TYW1: variants seen among roughly 807,000 people sequenced by gnomAD.
TYW1 encodes the protein tRNA-yW synthesizing protein 1 homolog, also known as S-adenosyl-L-methionine-dependent tRNA 4-demethylwyosine synthase TYW1.
A neutral mutation model predicts 96.2 loss-of-function variants in TYW1; 46 were observed. The ratio of observed to expected loss-of-function variants is 0.48; its 90% CI spans 0.38 to 0.61. The LOEUF (loss-of-function observed/expected upper bound fraction) is 0.61, where lower values mean the gene tolerates loss of function less well. Among genes scored for constraint, TYW1 ranks in the 20% least tolerant of loss-of-function variants. The pLI is 0.00. For synonymous variants in TYW1, 274 were observed against 323.0 expected, an observed-to-expected ratio of 0.85 and a Z score of 1.63; for missense variants, 684 against 909.6, an observed-to-expected ratio of 0.75 and a Z score of 3.19.
intron 14 of TYW1, among the ~76,000 whole-genome samples, chr7:67,190,022 C>T (rs1800159269): frequency 6.6e-6 from 1 of 151,722 alleles, no homozygotes; most frequent in Non-Finnish European, 1.5e-5. Flanking sequence ...TCTGTGTGTT[C>T]TCTGCCTAGC....
chr7:67,029,291 TATGG>T (rs1794564251), intron 7 of TYW1, among the ~76,000 whole-genome samples: 1 of 148,826 alleles, frequency 6.7e-6, no homozygotes, highest in African/African-American at 2.5e-5. Flanking sequence ...GGCTGGCTGA[TATGG>T]ACTTAAGATT....
rs367638874 is a variant in TYW1 at position 67,116,333 on chromosome 7, AAAAAG to A, written c.1563-1130_1563-1126del. On this transcript the variant is annotated intron_variant, in intron 12 of 15. Coordinates refer to ENST00000359626, the MANE Select transcript of TYW1 (RefSeq NM_018264.4). The stretch of plus-strand genomic sequence containing the variant: ...GAGGGAGAATCCATCTCAAAAAAAA[AAAAAG>A]AAAAGAAAAGAAAAGAAAAAAAGTA... 1.7e-4 allele frequency among the ~76,000 whole-genome samples: 26 copies of A among 150,416 alleles called. 1 individual carries two copies. The highest frequency in any genetic ancestry group is 3.9e-4 in the East Asian group (2 of 5,090).
chr7:67,207,681 C>CTTCTTTT (rs71052407), intron 15 of TYW1, among the ~76,000 whole-genome samples: 12 of 116,580 alleles, frequency 1.0e-4, no homozygotes, highest in African/African-American at 3.6e-4. Flanking sequence ...TTTTGTTTGC[C>CTTCTTTT]TTTTTTTTTT....
chr7:67,095,594 G>A (rs1221355621), intron 11 of TYW1, among the ~76,000 whole-genome samples: 6 of 151,964 alleles, frequency 3.9e-5, no homozygotes, highest in Admixed American at 2.6e-4. Flanking sequence ...GGAGGCGGAG[G>A]TTGCAGTGAG....
chr7:67,000,935 G>A (rs987695146), intron 3 of TYW1, among the ~76,000 whole-genome samples: 1 of 152,082 alleles, frequency 6.6e-6, no homozygotes, highest in Non-Finnish European at 1.5e-5. Context: ...TCATTTTACA[G>A]TCGAAGGTCA....
At chr7:67,102,818 A>T (rs1489727138) in intron 12 of TYW1, among the ~76,000 whole-genome samples, 2 of 151,834 alleles carry the variant, frequency 1.3e-5, no homozygotes, top group Non-Finnish European at 2.9e-5. Flanking sequence ...CACCCAGCTA[A>T]TTTTTTGTAT....
chr7:67,047,337 C>G (rs1176961867), intron 7 of TYW1, among the ~76,000 whole-genome samples: 1 of 152,096 alleles, frequency 6.6e-6, no homozygotes, highest in Non-Finnish European at 1.5e-5. Context: ...TTGAGACCAG[C>G]GTGGGCAACA....
chr7:67,198,461 G>C (rs1239197465), intron 15 of TYW1, among the ~76,000 whole-genome samples: 1 of 151,824 alleles, frequency 6.6e-6, no homozygotes, highest in Admixed American at 6.6e-5. Context: ...TGAGGCAGGA[G>C]AATCTCTTGA....
At chr7:67,071,083 A>G (rs1211601836) in intron 10 of TYW1, among the ~76,000 whole-genome samples, 1 of 151,844 alleles carries the variant, frequency 6.6e-6, no homozygotes, top group Non-Finnish European at 1.5e-5. Context: ...GTGAGCCTAG[A>G]TCGCGCCACT....
Position 66,996,908 on chromosome 7 carries a change from C to T in TYW1, c.-71C>T. 1 of 1,610,924 alleles carries T rather than the reference C, an allele frequency of 6.2e-7. No individual in the cohort carries two copies. The highest frequency in any genetic ancestry group is 8.5e-7 in the Non-Finnish European group (1 of 1,178,746). On this transcript the variant is annotated 5_prime_UTR_variant, in exon 1 of 16. Transcript: ENST00000359626. ...AACGCGGCGAGGTAGCTCGGTGCGT[C>T]TCGCGGTACCAGTGCGAATCATCGG...
intron 9 of TYW1, 81 bp downstream of exon 9, chr7:67,055,968 CTATT>C: frequency 9.3e-7 from 1 of 1,070,218 alleles, no homozygotes; most frequent in Non-Finnish European, 1.4e-6. Context: ...TATAAATTTA[CTATT>C]TAGAGGTATA....
intron 12 of TYW1, among the ~76,000 whole-genome samples, chr7:67,112,100 CAAAAAAA>C (rs538839042): frequency 1.3e-3 from 124 of 94,886 alleles, no homozygotes; most frequent in East Asian, 0.01. Context: ...CTCTGTCTGA[CAAAAAAA>C]AAAAAAAAAA....
chr7:67,003,056 C>T (rs1355274952), intron 3 of TYW1, among the ~76,000 whole-genome samples: 1 of 151,960 alleles, frequency 6.6e-6, no homozygotes, highest in Non-Finnish European at 1.5e-5. Flanking sequence ...CAGGCTTGAG[C>T]CACGCGCCTG....
chr7:67,088,391 A>G (rs1317813903), intron 11 of TYW1, among the ~76,000 whole-genome samples: 1 of 152,256 alleles, frequency 6.6e-6, no homozygotes, highest in Non-Finnish European at 1.5e-5. Flanking sequence ...GGTAAAGTGC[A>G]TAATTTGTAA....
At chr7:67,095,221 A>G (rs1205045029) in intron 11 of TYW1, among the ~76,000 whole-genome samples, 1 of 151,450 alleles carries the variant, frequency 6.6e-6, no homozygotes, top group Admixed American at 6.6e-5. Context: ...CTGGTCTTGA[A>G]CTCCTGACCT....
chr7:67,092,787 A>G lies in TYW1; in HGVS notation c.1385-5754A>G, dbSNP rs1563008677. Among the ~76,000 whole-genome samples the G allele has an allele frequency of 2.0e-5, 3 of 149,320 alleles. No homozygotes were observed. The South Asian group carries it at 6.4e-4, about 32-fold the overall frequency. On this transcript the variant is annotated intron_variant, in intron 11 of 15. Coordinates refer to ENST00000359626, the MANE Select transcript of TYW1 (RefSeq NM_018264.4). Reference sequence around the variant, plus strand: ...AACCTCCGCCTCCTGGGTTCAAGCAATTCTCCTGGCTCAGCCTCCCGAATA... The same window carrying G: ...AACCTCCGCCTCCTGGGTTCAAGCAGTTCTCCTGGCTCAGCCTCCCGAATA...
chr7:67,112,822 G>A (rs2949144), intron 12 of TYW1, among the ~76,000 whole-genome samples: 5 of 152,060 alleles, frequency 3.3e-5, no homozygotes, highest in East Asian at 3.9e-4. Context: ...AGAACGGTGC[G>A]CTGTGCTGGC....
intron 13 of TYW1, among the ~76,000 whole-genome samples, chr7:67,176,335 A>G (rs1203632160): frequency 2.0e-5 from 3 of 152,166 alleles, no homozygotes; most frequent in Non-Finnish European, 2.9e-5. Flanking sequence ...TACACTGATT[A>G]TATTTATTTA....
intron 7 of TYW1, among the ~76,000 whole-genome samples, chr7:67,041,294 T>C (rs1795010585): frequency 6.6e-6 from 1 of 152,094 alleles, no homozygotes; most frequent in Non-Finnish European, 1.5e-5. Context: ...TTTCTTTTTC[T>C]GGCATTTTGT....
Sources: allele counts gnomAD v4.1 joint callset (sites outside exome capture counted in the v4.1 genomes callset), GRCh38; gene constraint gnomAD v4.1.1; transcripts MANE v1.5; gene names NCBI Gene and HGNC (gene_info 2026-07-23, HGNC 2026-07-21).